The following GMCL1 variants were observed in gnomAD, a reference collection of about 807,000 sequenced individuals.
GMCL1 encodes the protein germ cell-less protein-like 1.
A neutral mutation model predicts 75.5 loss-of-function variants in GMCL1; 54 were observed. The observed-to-expected ratio is 0.71, with a 90% CI of 0.57 to 0.90. GMCL1 has a LOEUF of 0.90. GMCL1 is among the 40% of genes least tolerant of loss of function. The pLI is 0.00. For missense variants in GMCL1, 537 were observed against 622.7 expected (o/e 0.86, Z 1.47); for synonymous variants, 210 against 209.6 (o/e 1.00, Z -0.02).
chr2:69,870,425 G>A (rs975380600), intron 12 of GMCL1, among the ~76,000 whole-genome samples: 3 of 152,018 alleles, frequency 2.0e-5, no homozygotes, highest in African/African-American at 7.2e-5. Flanking sequence ...AAAACATAGG[G>A]GAAAAGCTTC....
At position 69,831,099 on chromosome 2, in the gene GMCL1, T is replaced by C. The variant is rs1388294547; in HGVS notation, c.260+947T>C. ...ACGCCTGGCTAATGTTTTCTGTTTT[T>C]AGTAGAGACAGGTTTCATCGTGTTG... On this transcript the variant is annotated intron_variant, in intron 1 of 13. Transcript: ENST00000282570. Among the ~76,000 whole-genome samples, 5 of 152,176 alleles carry C rather than the reference T, an allele frequency of 3.3e-5. No homozygotes were observed. In the East Asian group the frequency reaches 7.7e-4, roughly 24 times the overall value.
chr2:69,843,796 G>T, intron 5 of GMCL1, among the ~76,000 whole-genome samples: 1 of 152,122 alleles, frequency 6.6e-6, no homozygotes, highest in East Asian at 1.9e-4. Flanking sequence ...TTAAGAAGTA[G>T]GCCTGATAGA....
rs192668935 is a variant in GMCL1 at position 69,851,830 on chromosome 2, A to G, written c.934+2088A>G. Reference sequence around the variant, plus strand: ...AGTTTTAAAATTTCATGCTCTTTATATCTTAGTTAAATACATTTTATAGAA... The same window carrying G: ...AGTTTTAAAATTTCATGCTCTTTATGTCTTAGTTAAATACATTTTATAGAA... On this transcript the variant is annotated intron_variant, in intron 8 of 13. Coordinates refer to ENST00000282570, the MANE Select transcript of GMCL1 (RefSeq NM_178439.5). Among the ~76,000 whole-genome samples, 23 of 152,290 alleles carry G rather than the reference A, an allele frequency of 1.5e-4. No individual in the cohort carries two copies. The East Asian group carries it at 4.4e-3, about 29-fold the overall frequency.
intron 3 of GMCL1, among the ~76,000 whole-genome samples, chr2:69,840,395 G>A (rs1427927981): frequency 6.6e-6 from 1 of 151,590 alleles, no homozygotes; most frequent in African/African-American, 2.4e-5. Flanking sequence ...GGGCGACAGA[G>A]CGAGACTCCA....
chr2:69,864,590 C>CTTTTTTTT (rs534389389), intron 10 of GMCL1, among the ~76,000 whole-genome samples: 20 of 88,310 alleles, frequency 2.3e-4, no homozygotes, highest in East Asian at 7.1e-4. Context: ...TAGACTTTTA[C>CTTTTTTTT]TTTTTTTTTT....
At chr2:69,842,690 A>G (rs566694625) in intron 4 of GMCL1, 3 of 152,230 alleles carry the variant, frequency 2.0e-5, no homozygotes, top group Non-Finnish European at 4.4e-5. Flanking sequence ...TTTTAAGTCT[A>G]TCTCTTAGAT....
intron 1 of GMCL1, among the ~76,000 whole-genome samples, chr2:69,835,563 C>T (rs1049351410): frequency 6.6e-6 from 1 of 152,092 alleles, no homozygotes; most frequent in African/African-American, 2.4e-5. Flanking sequence ...CAATGTACCT[C>T]TTCTTTGAGT....
intron 9 of GMCL1, among the ~76,000 whole-genome samples, chr2:69,855,236 A>G (rs1364064888): frequency 6.6e-6 from 1 of 152,036 alleles, no homozygotes; most frequent in Non-Finnish European, 1.5e-5. Context: ...ATAAACCAGT[A>G]CATGATTTTG....
Position 69,880,330 on chromosome 2 carries a change from G to GT in GMCL1, c.*1333dup, listed in dbSNP as rs1258492119. On this transcript the variant is annotated 3_prime_UTR_variant, in exon 14 of 14. Coordinates refer to ENST00000282570, the MANE Select transcript of GMCL1 (RefSeq NM_178439.5). ...ACCAAAATTTTTTCTTTCTAGTTAGGTTTTTTTCCCAACTCCTTTTAACTT... is the reference window on the plus strand; with the variant it reads ...ACCAAAATTTTTTCTTTCTAGTTAGGTTTTTTTTCCCAACTCCTTTTAACTT... 2.0e-5 allele frequency: 3 copies of GT among 151,742 alleles called. No individual in the cohort carries two copies. The highest frequency in any genetic ancestry group is 2.0e-4 in the Admixed American group (3 of 15,244). The allele number at this position is 151,742 out of a possible 1,614,324, so 9.4% of individuals were successfully genotyped here.
Position 69,843,232 on chromosome 2 carries a change from G to C in GMCL1, c.663G>C (p.Gly221=). 1 of 1,602,930 alleles carries C rather than the reference G, an allele frequency of 6.2e-7. No homozygotes were observed. The highest frequency in any genetic ancestry group is 1.3e-5 in the African/African-American group (1 of 74,774). The change falls in exon 5 of 14, where the codon GGG becomes GGC. Residue 221 remains glycine, a synonymous_variant. Transcript: ENST00000282570. The stretch of plus-strand genomic sequence containing the variant: ...TATGTGGCTATTACACATCAGCAGG[G>C]ACCTATGGATTAGATTCTGTAAAGA... ...KTVCGYYTSA[G]TYGLDSVKKK...
chr2:69,847,971 A>G (rs1451164105), intron 7 of GMCL1, among the ~76,000 whole-genome samples: 2 of 152,146 alleles, frequency 1.3e-5, no homozygotes, highest in Non-Finnish European at 2.9e-5. Context: ...TAATGATGGC[A>G]TTTTTACACA....
chr2:69,834,691 G>T (rs543168887), intron 1 of GMCL1, among the ~76,000 whole-genome samples: 2 of 152,258 alleles, frequency 1.3e-5, no homozygotes, highest in South Asian at 4.1e-4. Context: ...GTGCTTAAGT[G>T]TGGGTCTTTT....
chr2:69,849,755 T>G lies in GMCL1; in HGVS notation c.934+13T>G. On this transcript the variant is annotated intron_variant, in intron 8 of 13. Coordinates refer to ENST00000282570, the MANE Select transcript of GMCL1 (RefSeq NM_178439.5). ...AAACAGAGGAAAGGTAGGCCTGAAGTTTTTGAGAACTTGTCTTTTAAAAGG... is the reference window on the plus strand; with the variant it reads ...AAACAGAGGAAAGGTAGGCCTGAAGGTTTTGAGAACTTGTCTTTTAAAAGG... The G allele has an allele frequency of 6.6e-7, 1 of 1,513,528 alleles. No homozygotes were observed. The highest frequency in any genetic ancestry group is 1.3e-5 in the South Asian group (1 of 75,434). The allele number at this position is 1,513,528 out of a possible 1,614,324, so 93.8% of individuals were successfully genotyped here. A position where few individuals can be genotyped will look rare whatever the true frequency, so the allele number is the denominator to read the frequency against.
intron 9 of GMCL1, among the ~76,000 whole-genome samples, chr2:69,858,131 G>A (rs1487652163): frequency 1.3e-5 from 2 of 152,108 alleles, no homozygotes; most frequent in South Asian, 2.1e-4. Flanking sequence ...GATCCGTGAC[G>A]CTGTCAAATA....
intron 13 of GMCL1, among the ~76,000 whole-genome samples, chr2:69,872,509 T>C (rs1159664216): frequency 6.6e-6 from 1 of 152,214 alleles, no homozygotes; most frequent in Non-Finnish European, 1.5e-5. Context: ...TTACATAAAT[T>C]ATGAGAAGTT....
At chr2:69,835,079 A>G (rs1294850751) in intron 1 of GMCL1, among the ~76,000 whole-genome samples, 3 of 152,042 alleles carry the variant, frequency 2.0e-5, no homozygotes, top group Non-Finnish European at 2.9e-5. Context: ...ACCTATAACC[A>G]ACTTCGTAGT....
At chr2:69,865,832 T>C (rs2104029039) in intron 11 of GMCL1, among the ~76,000 whole-genome samples, 1 of 152,208 alleles carries the variant, frequency 6.6e-6, no homozygotes, top group South Asian at 2.1e-4. Flanking sequence ...TGCAGTGGCG[T>C]GACCACAGCT....
intron 10 of GMCL1, among the ~76,000 whole-genome samples, chr2:69,861,847 C>T (rs1411151688): frequency 1.3e-5 from 2 of 152,130 alleles, no homozygotes; most frequent in African/African-American, 4.8e-5. Context: ...CTTTGGGAGG[C>T]TGAGGTGGGA....
At chr2:69,856,377 C>T (rs945730343) in intron 9 of GMCL1, among the ~76,000 whole-genome samples, 2 of 152,084 alleles carry the variant, frequency 1.3e-5, no homozygotes, top group Admixed American at 1.3e-4. Context: ...AATTTAGAAG[C>T]ATGTTTAATT....
Sources: allele counts gnomAD v4.1 joint callset (sites outside exome capture counted in the v4.1 genomes callset), GRCh38; gene constraint gnomAD v4.1.1; transcripts MANE v1.5; gene names NCBI Gene and HGNC (gene_info 2026-07-23, HGNC 2026-07-21).